Variants in ST6GAL2 observed in about 807,000 individuals in gnomAD.
ST6GAL2 encodes the protein beta-galactoside alpha-2,6-sialyltransferase 2.
A neutral mutation model predicts 37.5 loss-of-function variants in ST6GAL2; 24 were observed. The observed-to-expected ratio is 0.64, with a 90% CI of 0.46 to 0.90. The LOEUF is 0.90. Ranked by LOEUF, ST6GAL2 falls within the 40% of genes least tolerant of loss-of-function variation. The pLI, the probability that ST6GAL2 is intolerant of heterozygous loss-of-function variation, is 0.00. For missense variants in ST6GAL2, 715 were observed against 712.7 expected, an observed-to-expected ratio of 1.00 and a Z score of -0.04; for synonymous variants, 306 against 295.1, an observed-to-expected ratio of 1.04 and a Z score of -0.38.
At chr2:106,841,174 C>T (rs1167882875) in intron 2 of ST6GAL2, 2 of 152,182 alleles carry the variant, frequency 1.3e-5, no homozygotes, top group Admixed American at 6.5e-5. Flanking sequence ...CATTCAGCCT[C>T]ATGCCCAAGG....
chr2:106,871,546 T>C (rs982776103), intron 1 of ST6GAL2, among the ~76,000 whole-genome samples: 10 of 152,238 alleles, frequency 6.6e-5, no homozygotes, highest in African/African-American at 2.4e-4. Context: ...CACAAACACA[T>C]TGTACAGCTG....
chr2:106,808,004 T>TA lies in ST6GAL2; in HGVS notation c.1319-1056dup, dbSNP rs930866754. Among the ~76,000 whole-genome samples, 39 of 151,460 alleles carry TA rather than the reference T, an allele frequency of 2.6e-4. No individual in the cohort carries two copies. In the South Asian group the frequency reaches 3.1e-3, roughly 12 times the overall value. ...ACCATGCCACTATTAACTTGAAAGTTAAAAAAAAAGACATCTCTTTTCTGA... is the reference window on the plus strand; with the variant it reads ...ACCATGCCACTATTAACTTGAAAGTTAAAAAAAAAAGACATCTCTTTTCTGA... On this transcript the variant is annotated intron_variant, in intron 5 of 5. Transcript: ENST00000409382.
intron 5 of ST6GAL2, chr2:106,825,008 A>T (rs987253143): frequency 2.0e-5 from 3 of 152,172 alleles, no homozygotes; most frequent in African/African-American, 7.2e-5. Context: ...TTCCAAATGC[A>T]AATTCTCACA....
chr2:106,841,888 ATGT>A (rs893259668), intron 2 of ST6GAL2, among the ~76,000 whole-genome samples: 91 of 152,342 alleles, frequency 6.0e-4, no homozygotes, highest in African/African-American at 2.1e-3. Context: ...GTGATGGCTA[ATGT>A]TGTGTGCCAT....
chr2:106,873,055 ATG>A (rs1447881757), intron 1 of ST6GAL2, among the ~76,000 whole-genome samples: 1 of 152,228 alleles, frequency 6.6e-6, no homozygotes, highest in Non-Finnish European at 1.5e-5. Context: ...ACTCAGAAGG[ATG>A]TGAGTCTGGG....
chr2:106,814,215 A>G (rs190030523), intron 5 of ST6GAL2, among the ~76,000 whole-genome samples: 1 of 152,324 alleles, frequency 6.6e-6, no homozygotes, highest in African/African-American at 2.4e-5. Flanking sequence ...AGGAAAATAC[A>G]AAAAGTTGTT....
intron 1 of ST6GAL2, among the ~76,000 whole-genome samples, chr2:106,858,922 A>G (rs563089939): frequency 1.3e-5 from 2 of 152,020 alleles, no homozygotes; most frequent in African/African-American, 4.8e-5. Context: ...GATGGGCCCC[A>G]AAAAAGGAAA....
At chr2:106,880,576 T>G (rs1237726591) in intron 1 of ST6GAL2, among the ~76,000 whole-genome samples, 2 of 152,230 alleles carry the variant, frequency 1.3e-5, no homozygotes, top group Non-Finnish European at 2.9e-5. Context: ...AACATTCACA[T>G]TCACATATAT....
chr2:106,815,774 T>C (rs1337168053), intron 5 of ST6GAL2, among the ~76,000 whole-genome samples: 1 of 152,186 alleles, frequency 6.6e-6, no homozygotes, highest in East Asian at 1.9e-4. Flanking sequence ...GGCCAAGACT[T>C]GATTCTGGTC....
chr2:106,886,701 T>C (rs1195181980), upstream of ST6GAL2: 3 of 151,536 alleles, frequency 2.0e-5, no homozygotes, highest in African/African-American at 7.3e-5. Context: ...CTCTCCGCGA[T>C]CCCTTTCATC....
At chr2:106,851,577 T>C (rs1677359752) in intron 1 of ST6GAL2, among the ~76,000 whole-genome samples, 1 of 152,214 alleles carries the variant, frequency 6.6e-6, no homozygotes, top group South Asian at 2.1e-4. Context: ...GAGAAGTTAA[T>C]TCTAGGTCTT....
intron 1 of ST6GAL2, among the ~76,000 whole-genome samples, chr2:106,863,495 ACCC>A (rs199946244): frequency 6.6e-6 from 1 of 151,588 alleles, no homozygotes; most frequent in East Asian, 1.9e-4. Context: ...AGCACAGGTG[ACCC>A]CCCCGTCTAA....
At chr2:106,830,644 C>A (rs1676385826) in intron 4 of ST6GAL2, among the ~76,000 whole-genome samples, 1 of 152,298 alleles carries the variant, frequency 6.6e-6, no homozygotes, top group Middle Eastern at 3.4e-3. Flanking sequence ...TCTAAAAAAA[C>A]ACTATTTATT....
chr2:106,836,567 C>T (rs941240965), intron 2 of ST6GAL2, among the ~76,000 whole-genome samples: 12 of 151,530 alleles, frequency 7.9e-5, no homozygotes, highest in African/African-American at 2.7e-4. Context: ...CATAGTTATA[C>T]ATAAGTTATA....
At chr2:106,861,619 C>CA in intron 1 of ST6GAL2, among the ~76,000 whole-genome samples, 1 of 151,384 alleles carries the variant, frequency 6.6e-6, no homozygotes, top group East Asian at 1.9e-4. Flanking sequence ...TTTATTCTTT[C>CA]TTTTTTTTCT....
intron 1 of ST6GAL2, among the ~76,000 whole-genome samples, chr2:106,858,146 A>G (rs1197365275): frequency 1.3e-5 from 2 of 152,186 alleles, no homozygotes; most frequent in Non-Finnish European, 2.9e-5. Context: ...AGAACTGATC[A>G]TGCACTACAC....
chr2:106,853,078 C>G (rs961285718), intron 1 of ST6GAL2, among the ~76,000 whole-genome samples: 2 of 152,156 alleles, frequency 1.3e-5, no homozygotes, highest in African/African-American at 4.8e-5. Context: ...GGGGTCAACT[C>G]AAGCACCAGC....
At chr2:106,884,920 TATATATATATATATACATAC>T (rs1327477393) in intron 1 of ST6GAL2, among the ~76,000 whole-genome samples, 18 of 119,778 alleles carry the variant, frequency 1.5e-4, no homozygotes, top group Admixed American at 7.9e-4. Flanking sequence ...TATATATATA[TATATATATATATATACATAC>T]ACACACACAC....
intron 5 of ST6GAL2, among the ~76,000 whole-genome samples, chr2:106,812,207 G>A (rs947790105): frequency 6.6e-6 from 1 of 152,182 alleles, no homozygotes; most frequent in African/African-American, 2.4e-5. Context: ...CAGCAAGAAG[G>A]CTCCGTCTCT....
Sources: allele counts gnomAD v4.1 joint callset (sites outside exome capture counted in the v4.1 genomes callset), GRCh38; gene constraint gnomAD v4.1.1; transcripts MANE v1.5; gene names NCBI Gene and HGNC (gene_info 2026-07-23, HGNC 2026-07-21).